UBR1: variants seen among roughly 807,000 people sequenced by gnomAD.
UBR1 encodes ubiquitin protein ligase E3 component n-recognin 1.
Under a neutral mutation model 242.1 loss-of-function variants are expected in UBR1, and 102 were observed. That is an observed-to-expected ratio of 0.42 (90% CI 0.36 to 0.50). The LOEUF (loss-of-function observed/expected upper bound fraction) is 0.50, where lower values mean the gene tolerates loss of function less well. Ranked by LOEUF, UBR1 falls within the 20% of genes least tolerant of loss-of-function variation. The pLI, the probability that UBR1 is intolerant of heterozygous loss-of-function variation, is 0.01. For synonymous variants in UBR1, 675 were observed against 684.8 expected (o/e 0.99, Z 0.22); for missense variants, 1,772 against 2,101.8 (o/e 0.84, Z 3.07).
At chr15:43,014,606 C>A (rs2032982696) in intron 29 of UBR1, among the ~76,000 whole-genome samples, 1 of 151,606 alleles carries the variant, frequency 6.6e-6, no homozygotes, top group Non-Finnish European at 1.5e-5. Context: ...CTCTGCCCAG[C>A]CGCCCCGTCT....
intron 41 of UBR1, among the ~76,000 whole-genome samples, chr15:42,964,246 G>C (rs977297874): frequency 2.6e-5 from 4 of 152,034 alleles, no homozygotes; most frequent in African/African-American, 9.7e-5. Context: ...GAGGCGGGCG[G>C]ATCACCTGAG....
chr15:43,103,731 T>G (rs1165492373), intron 1 of UBR1, among the ~76,000 whole-genome samples: 1 of 152,238 alleles, frequency 6.6e-6, no homozygotes, highest in Admixed American at 6.5e-5. Flanking sequence ...AACCAGGGAT[T>G]AGACTCTAAT....
At chr15:42,983,245 TC>T (rs749534487) in intron 37 of UBR1, among the ~76,000 whole-genome samples, 240 of 152,276 alleles carry the variant, frequency 1.6e-3, no homozygotes, top group Non-Finnish European at 2.7e-3. Flanking sequence ...ACATCACTGC[TC>T]CCTTTTCTAA....
chr15:43,075,240 C>A, intron 3 of UBR1, 151 bp from the exon 4 acceptor site: 2 of 723,782 alleles, frequency 2.8e-6, no homozygotes, highest in East Asian at 2.6e-5. Context: ...AAACCATTTT[C>A]GATTAGTTAC....
At chr15:42,990,156 G>T in intron 33 of UBR1, 36 bp from the exon 34 acceptor site, 2 of 1,426,198 alleles carry the variant, frequency 1.4e-6, no homozygotes, top group South Asian at 2.4e-5. Context: ...GAAAAATCAT[G>T]AATGAGTTTA....
intron 11 of UBR1, among the ~76,000 whole-genome samples, chr15:43,055,734 G>T (rs1199797352): frequency 6.6e-6 from 1 of 152,096 alleles, no homozygotes; most frequent in African/African-American, 2.4e-5. Flanking sequence ...GGCCAACATG[G>T]TGAAACCCCG....
In UBR1 at chr15:42,990,847, T is replaced by C. The variant is rs116491576; in HGVS notation, c.3758-727A>G. Among the ~76,000 whole-genome samples, 814 of 152,350 alleles carry C rather than the reference T, an allele frequency of 5.3e-3. 9 individuals carry two copies. The highest frequency in any genetic ancestry group is 0.019 in the African/African-American group (781 of 41,588). On this transcript the variant is annotated intron_variant, in intron 33 of 46. Coordinates refer to ENST00000290650, the MANE Select transcript of UBR1 (RefSeq NM_174916.3). ...TCCTAGCTCTGCCACTTACTGTTACTGCAACCTTGTGTGAAAGCTAAACCT... is the reference window on the plus strand; with the variant it reads ...TCCTAGCTCTGCCACTTACTGTTACCGCAACCTTGTGTGAAAGCTAAACCT...
chr15:42,949,209 CAT>C (rs2031787399), intron 46 of UBR1, among the ~76,000 whole-genome samples: 1 of 140,106 alleles, frequency 7.1e-6, no homozygotes, highest in Non-Finnish European at 1.5e-5. Flanking sequence ...TGTTCTCACT[CAT>C]AGGTGGGAAT....
intron 45 of UBR1, among the ~76,000 whole-genome samples, chr15:42,951,772 C>T (rs1181496363): frequency 6.6e-6 from 1 of 152,026 alleles, no homozygotes; most frequent in Non-Finnish European, 1.5e-5. Context: ...CCATGTGCTA[C>T]CATGCCTGGC....
At chr15:42,980,983 C>T (rs1353653100) in intron 37 of UBR1, among the ~76,000 whole-genome samples, 1 of 152,122 alleles carries the variant, frequency 6.6e-6, no homozygotes, top group African/African-American at 2.4e-5. Context: ...TTCTGGACTT[C>T]CTTATTTCTC....
At position 43,054,731 on chromosome 15, in the gene UBR1, G is replaced by T; in HGVS notation, c.1439+11C>A. ...AACAGGTGCCCTCACCTTTTGACTTGAACAACTTACTTTAGGTCACATATT... is the reference window on the plus strand; with the variant it reads ...AACAGGTGCCCTCACCTTTTGACTTTAACAACTTACTTTAGGTCACATATT... On this transcript the variant is annotated intron_variant, in intron 12 of 46. Transcript: ENST00000290650. The T allele has an allele frequency of 1.2e-6, 2 of 1,613,818 alleles. No individual in the cohort carries two copies. The highest frequency in any genetic ancestry group is 1.1e-5 in the South Asian group (1 of 91,008).
intron 1 of UBR1, among the ~76,000 whole-genome samples, chr15:43,102,525 A>G (rs1176428559): frequency 6.6e-6 from 1 of 152,234 alleles, no homozygotes; most frequent in Non-Finnish European, 1.5e-5. Flanking sequence ...AATAGAAAAG[A>G]GCTGAGTATC....
intron 35 of UBR1, among the ~76,000 whole-genome samples, chr15:42,987,813 A>G (rs1023599956): frequency 1.3e-5 from 2 of 152,134 alleles, no homozygotes; most frequent in Non-Finnish European, 2.9e-5. Flanking sequence ...TGAAGAAAAT[A>G]TAATGGACTC....
At chr15:43,059,288 C>T (rs2033654272) in intron 8 of UBR1, 96 bp from the exon 9 acceptor site, 3 of 1,053,776 alleles carry the variant, frequency 2.8e-6, no homozygotes, top group Non-Finnish European at 4.3e-6. Flanking sequence ...TGGTCTTGAA[C>T]TCCTGGGCTC....
intron 1 of UBR1, among the ~76,000 whole-genome samples, chr15:43,087,684 T>G (rs1209424644): frequency 6.6e-6 from 1 of 152,182 alleles, no homozygotes; most frequent in Non-Finnish European, 1.5e-5. Flanking sequence ...TTACATATAT[T>G]TTGACCCAGA....
intron 30 of UBR1, among the ~76,000 whole-genome samples, chr15:43,005,101 C>T (rs1488940384): frequency 6.6e-6 from 1 of 151,922 alleles, no homozygotes; most frequent in Non-Finnish European, 1.5e-5. Context: ...GTGTCTCTGC[C>T]CAGCCGCCCC....
intron 12 of UBR1, among the ~76,000 whole-genome samples, chr15:43,049,941 A>C (rs1370994164): frequency 6.6e-6 from 1 of 151,954 alleles, no homozygotes; most frequent in Non-Finnish European, 1.5e-5. Context: ...CCTGCTGAAT[A>C]AGAAGCTTCC....
At chr15:43,068,803 T>C (rs577934544) in intron 5 of UBR1, among the ~76,000 whole-genome samples, 3 of 152,262 alleles carry the variant, frequency 2.0e-5, no homozygotes, top group African/African-American at 7.2e-5. Context: ...ATATTTTTAG[T>C]AGAGACAGGG....
intron 1 of UBR1, among the ~76,000 whole-genome samples, chr15:43,102,717 TCA>T (rs1567153558): frequency 6.6e-6 from 1 of 152,186 alleles, no homozygotes; most frequent in Non-Finnish European, 1.5e-5. Flanking sequence ...CACACTACTC[TCA>T]CCTCCTACGT....
Sources: gnomAD v4.1 joint callset for allele counts (sites outside exome capture counted in the v4.1 genomes callset) on GRCh38, gnomAD v4.1.1 for gene constraint, MANE v1.5 for transcripts, NCBI Gene and HGNC (gene_info 2026-07-23, HGNC 2026-07-21) for gene names.